The following COL5A1 variants were observed in gnomAD, a reference collection of about 807,000 sequenced individuals.
The protein encoded by COL5A1 is collagen type V alpha 1 chain, also known as collagen alpha-1(V) chain.
In COL5A1, 16 loss-of-function variants were observed where a neutral mutation model predicts 263.7. The observed-to-expected ratio is 0.06, with a 90% CI of 0.04 to 0.09. COL5A1 has a LOEUF of 0.09. Among genes scored for constraint, COL5A1 ranks in the 10% least tolerant of loss-of-function variants. The pLI is 1.00. For synonymous variants in COL5A1, 1,012 were observed against 1,004.5 expected (o/e 1.01, Z -0.14); for missense variants, 2,036 against 2,540.5 (o/e 0.80, Z 4.27).
rs1403901966 is a variant in COL5A1, at chr9:134,678,556, C to T, written c.110-12356C>T. 6.6e-6 allele frequency among the ~76,000 whole-genome samples: 1 copy of T among 152,244 alleles called. No individual in the cohort carries two copies. The highest frequency in any genetic ancestry group is 1.5e-5 in the Non-Finnish European group (1 of 68,040). On this transcript the variant is annotated intron_variant, in intron 1 of 65. Coordinates refer to ENST00000371817, the MANE Select transcript of COL5A1 (RefSeq NM_000093.5). This position sits in a 1 kb window ranked among gnomAD's most constrained non-coding sequence, Gnocchi z 5.5. ...TGCAGGGCAAGCACCTGCTTCTCAC[C>T]ACCTGCTGCTCCTCCATGGTCTCTT...
chr9:134,821,145 G>T lies in COL5A1; in HGVS notation c.4554+922G>T, dbSNP rs533804862. Reference sequence around the variant, plus strand: ...TCCCCAGGCCACAGCAGGGTCGTCGGAGGAGTGCCGCCCAGGGTGTGGTGG... The same window carrying T: ...TCCCCAGGCCACAGCAGGGTCGTCGTAGGAGTGCCGCCCAGGGTGTGGTGG... On this transcript the variant is annotated intron_variant, in intron 58 of 65. Coordinates refer to ENST00000371817, the MANE Select transcript of COL5A1 (RefSeq NM_000093.5). This position sits in a 1 kb window ranked among gnomAD's most constrained non-coding sequence, Gnocchi z 4.2. Among the ~76,000 whole-genome samples, 1 of 152,236 alleles carries T rather than the reference G, an allele frequency of 6.6e-6. No homozygotes were observed. The highest frequency in any genetic ancestry group is 2.4e-5 in the African/African-American group (1 of 41,538).
At chr9:134,820,036 T>C in intron 57 of COL5A1, 80 bp from the exon 58 acceptor site, 2 of 984,008 alleles carry the variant, frequency 2.0e-6, no homozygotes, top group Non-Finnish European at 3.3e-6. Flanking sequence ...ATGGCTGTGC[T>C]GCGTGCTAAC....
chr9:134,808,859 C>T (rs950903681), intron 42 of COL5A1: 6 of 427,082 alleles, frequency 1.4e-5, no homozygotes, highest in Non-Finnish European at 2.2e-5. Flanking sequence ...AATCCACATA[C>T]AGGCTCAAGA....
intron 2 of COL5A1, among the ~76,000 whole-genome samples, chr9:134,694,508 C>T (rs142836067): frequency 0.014 from 2,116 of 152,344 alleles, 18 homozygotes; most frequent in South Asian, 0.03. Flanking sequence ...GCCCTCCCTT[C>T]TGTACAGGGG....
At chr9:134,645,678 G>C (rs1228979182) in intron 1 of COL5A1, among the ~76,000 whole-genome samples, 4 of 152,254 alleles carry the variant, frequency 2.6e-5, no homozygotes, top group Non-Finnish European at 5.9e-5. Context: ...TAGGAGTCAG[G>C]GGGCAGGGAT....
chr9:134,728,006 A>G (rs1834723494), intron 5 of COL5A1, among the ~76,000 whole-genome samples: 2 of 152,064 alleles, frequency 1.3e-5, no homozygotes, highest in Admixed American at 1.3e-4. Context: ...CCCTGGGCCC[A>G]CTGCCTCTCA....
Position 134,686,406 on chromosome 9 carries a change from C to T in COL5A1, c.110-4506C>T, listed in dbSNP as rs1833080361. ...TAGCTGGGATCACAGGTGCATGCCA[C>T]CAAGCCCAGCTAATTTTTGTATTTA... On this transcript the variant is annotated intron_variant, in intron 1 of 65. Coordinates refer to ENST00000371817, the MANE Select transcript of COL5A1 (RefSeq NM_000093.5). This position sits in a 1 kb window ranked among gnomAD's most constrained non-coding sequence, Gnocchi z 4.6. 6.6e-6 allele frequency among the ~76,000 whole-genome samples: 1 copy of T among 152,110 alleles called. No individual in the cohort carries two copies. The highest frequency in any genetic ancestry group is 2.4e-5 in the African/African-American group (1 of 41,404).
At chr9:134,788,602 CAGAT>C (rs1451498767) in intron 31 of COL5A1, among the ~76,000 whole-genome samples, 1 of 143,914 alleles carries the variant, frequency 6.9e-6, no homozygotes, top group Non-Finnish European at 1.5e-5. Flanking sequence ...GGTGGATAGA[CAGAT>C]AGATGGATAG....
chr9:134,685,385 A>ATCCC (rs1833009724), intron 1 of COL5A1, among the ~76,000 whole-genome samples: 3 of 77,408 alleles, frequency 3.9e-5, no homozygotes, highest in African/African-American at 7.9e-5. Flanking sequence ...CCATCCATTC[A>ATCCC]TCCATCCATC....
intron 18 of COL5A1, among the ~76,000 whole-genome samples, chr9:134,760,474 TACAC>T (rs368659158): frequency 8.6e-5 from 5 of 58,344 alleles, no homozygotes; most frequent in African/African-American, 3.3e-4. Flanking sequence ...CCCACATTCA[TACAC>T]ACATGCACAC....
intron 52 of COL5A1, among the ~76,000 whole-genome samples, chr9:134,816,404 A>T (rs534527949): frequency 6.6e-6 from 1 of 152,304 alleles, no homozygotes; most frequent in South Asian, 2.1e-4. Flanking sequence ...GAGTGTTTTA[A>T]ACACCGCTTC....
intron 18 of COL5A1, among the ~76,000 whole-genome samples, chr9:134,759,961 TCATGCACA>T (rs1338248727): frequency 9.6e-4 from 57 of 59,288 alleles, no homozygotes; most frequent in African/African-American, 2.4e-3. Context: ...ACCCCCACAC[TCATGCACA>T]CATGCACACA....
chr9:134,732,438 A>G, intron 9 of COL5A1: 1 of 538,832 alleles, frequency 1.9e-6, no homozygotes. Flanking sequence ...AGCAGCTCAG[A>G]GCTATCGAGG....
At chr9:134,667,661 G>T (rs1300741055) in intron 1 of COL5A1, among the ~76,000 whole-genome samples, 1 of 152,308 alleles carries the variant, frequency 6.6e-6, no homozygotes, top group South Asian at 2.1e-4. Context: ...CTTTCTGGCT[G>T]ATTCTCTGCT....
chr9:134,789,372 G>A lies in COL5A1; in HGVS notation c.2700+164G>A, dbSNP rs1837591309. 6.6e-6 allele frequency among the ~76,000 whole-genome samples: 1 copy of A among 152,148 alleles called. No individual in the cohort carries two copies. The highest frequency in any genetic ancestry group is 1.5e-5 in the Non-Finnish European group (1 of 68,024). ...TCTTGAACTTCAGCACCACGTGTTG[G>A]TGACACTCTCCAGACGCTGGGCTGG... On this transcript the variant is annotated intron_variant, in intron 32 of 65. Transcript: ENST00000371817. This position sits in a 1 kb window ranked among gnomAD's most constrained non-coding sequence, Gnocchi z 4.8.
intron 6 of COL5A1, among the ~76,000 whole-genome samples, chr9:134,729,490 G>A (rs1474959159): frequency 1.3e-5 from 2 of 152,108 alleles, no homozygotes; most frequent in African/African-American, 2.4e-5. Context: ...AGGCACGGGT[G>A]TGCTTGAGCC....
chr9:134,834,911 G>A, intron 64 of COL5A1, 60 bp from the exon 65 acceptor site: 1 of 1,211,744 alleles, frequency 8.3e-7, no homozygotes, highest in Non-Finnish European at 1.2e-6. Context: ...GTGCGGACGT[G>A]GGGCTTTGTT....
intron 1 of COL5A1, among the ~76,000 whole-genome samples, chr9:134,646,669 C>T (rs1438572137): frequency 6.6e-6 from 1 of 152,196 alleles, no homozygotes; most frequent in East Asian, 1.9e-4. Context: ...GCCCTGCTGG[C>T]CTGGCACAGT....
chr9:134,717,262 C>T (rs1475508412), intron 4 of COL5A1, among the ~76,000 whole-genome samples: 3 of 150,046 alleles, frequency 2.0e-5, no homozygotes, highest in East Asian at 2.0e-4. Flanking sequence ...CCGGGCCCAG[C>T]GGGAGGGAAG....
Sources: allele counts gnomAD v4.1 joint callset (sites outside exome capture counted in the v4.1 genomes callset), GRCh38; gene constraint gnomAD v4.1.1; non-coding constraint Gnocchi (gnomAD v3.1); transcripts MANE v1.5; gene names NCBI Gene and HGNC (gene_info 2026-07-23, HGNC 2026-07-21).